The following CKMT2 variants were observed in gnomAD, a reference collection of about 807,000 sequenced individuals.
The protein encoded by CKMT2 is creatine kinase, mitochondrial 2.
A neutral mutation model predicts 48.9 loss-of-function variants in CKMT2; 43 were observed. The observed-to-expected ratio is 0.88, with a 90% CI of 0.69 to 1.13. The LOEUF is 1.13. Ranked by LOEUF, CKMT2 falls within the 50% of genes most tolerant of loss-of-function variation. The probability of loss-of-function intolerance (pLI) is 0.00; values close to 1 mark genes in which losing one functional copy is unlikely to be tolerated. For synonymous variants in CKMT2, 206 were observed against 213.0 expected (o/e 0.97, Z 0.29); for missense variants, 472 against 555.4 (o/e 0.85, Z 1.51).
chr5:81,259,210 G>T lies in CKMT2; in HGVS notation c.970G>T (p.Gly324Ter). The T allele has an allele frequency of 1.2e-6, 2 of 1,614,078 alleles. No individual in the cohort carries two copies. Among genetic ancestry groups the T allele is most frequent in the Non-Finnish European group, 1.7e-6 (2 of 1,179,990 alleles). The change falls in exon 8 of 10, where the codon GGA (glycine) becomes TGA (stop). Residue 324 changes from glycine (G) to a stop codon, truncating the protein, a stop_gained. Transcript: ENST00000254035. LOFTEE classifies it high-confidence loss of function. ...ILTCPSNLGT[G>*]LRAGVHVRIP... ...GACCTGTCCTTCGAACCTTGGAACA[G>T]GACTACGAGCTGGTGTCCACGTTAG...
At chr5:81,241,853 A>G (rs1293662961) in intron 1 of CKMT2, among the ~76,000 whole-genome samples, 1 of 152,054 alleles carries the variant, frequency 6.6e-6, no homozygotes, top group Non-Finnish European at 1.5e-5. Flanking sequence ...TATTTTATGG[A>G]GAGGAATTTC....
chr5:81,253,600 G>C (rs984356791), intron 3 of CKMT2, among the ~76,000 whole-genome samples: 4 of 152,144 alleles, frequency 2.6e-5, no homozygotes, highest in Non-Finnish European at 5.9e-5. Context: ...CCCTAGAAAG[G>C]CAGCCATAGA....
chr5:81,259,515 G>T (rs946640014), intron 8 of CKMT2: 10 of 293,388 alleles, frequency 3.4e-5, no homozygotes, highest in Non-Finnish European at 5.0e-5. Context: ...GGATAGGTAG[G>T]CTCTGCTCTC....
chr5:81,253,421 C>T (rs1332100390), intron 3 of CKMT2, among the ~76,000 whole-genome samples: 2 of 152,204 alleles, frequency 1.3e-5, no homozygotes, highest in South Asian at 2.1e-4. Context: ...CCCATGACCT[C>T]GGCATCCTCA....
chr5:81,233,763 A>T (rs1756174080), intron 1 of CKMT2, among the ~76,000 whole-genome samples: 1 of 152,028 alleles, frequency 6.6e-6, no homozygotes, highest in African/African-American at 2.4e-5. Context: ...AGTCTAATCC[A>T]CTCATTTCTG....
intron 1 of CKMT2, among the ~76,000 whole-genome samples, chr5:81,247,588 T>C (rs1278794660): frequency 6.6e-6 from 1 of 152,230 alleles, no homozygotes; most frequent in African/African-American, 2.4e-5. Context: ...AGTTTAGTCA[T>C]GAGGAAAAGT....
Position 81,254,445 on chromosome 5 carries a change from A to G in CKMT2, c.401A>G (p.Tyr134Cys). 6.2e-7 allele frequency: 1 copy of G among 1,614,192 alleles called. No individual in the cohort carries two copies. The highest frequency in any genetic ancestry group is 8.5e-7 in the Non-Finnish European group (1 of 1,180,024). ...DPVIKLRHNG[Y>C]DPRVMKHTTD... ...GTCATCAAACTAAGACACAACGGCTATGACCCCAGGGTGATGAAGCACACA... is the reference window on the plus strand; with the variant it reads ...GTCATCAAACTAAGACACAACGGCTGTGACCCCAGGGTGATGAAGCACACA... The change falls in exon 4 of 10, where the codon TAT (tyrosine) becomes TGT (cysteine). Residue 134 changes from tyrosine to cysteine, a missense_variant. Coordinates refer to ENST00000254035, the MANE Select transcript of CKMT2 (RefSeq NM_001099735.2).
chr5:81,247,808 G>A lies in CKMT2; in HGVS notation c.-20-3305G>A, dbSNP rs534938791. Among the ~76,000 whole-genome samples the A allele has an allele frequency of 2.0e-5, 3 of 152,240 alleles. No individual in the cohort carries two copies. In the South Asian group the frequency reaches 6.2e-4, roughly 32 times the overall value. ...GAATTCTTTGCTTCACCAAAACCTGGAGTCTGTGTCAATTCTCTTCAAGGA... is the reference window on the plus strand; with the variant it reads ...GAATTCTTTGCTTCACCAAAACCTGAAGTCTGTGTCAATTCTCTTCAAGGA... On this transcript the variant is annotated intron_variant, in intron 1 of 9. Transcript: ENST00000254035.
chr5:81,248,210 G>C (rs922138641), intron 1 of CKMT2, among the ~76,000 whole-genome samples: 1 of 152,134 alleles, frequency 6.6e-6, no homozygotes, highest in Admixed American at 6.5e-5. Flanking sequence ...GGCAATTTAA[G>C]GAATGAAAAA....
intron 4 of CKMT2, 93 bp from the exon 5 acceptor site, chr5:81,254,900 G>A (rs1226291892): frequency 9.5e-6 from 10 of 1,054,764 alleles, no homozygotes; most frequent in Admixed American, 7.3e-5. Context: ...AGGGTCCCCA[G>A]GGAAACTGCA....
At chr5:81,240,507 G>A (rs578066022) in intron 1 of CKMT2, among the ~76,000 whole-genome samples, 1 of 152,364 alleles carries the variant, frequency 6.6e-6, no homozygotes, top group East Asian at 1.9e-4. Context: ...CCTTTGCAGT[G>A]TGTGACCTGG....
chr5:81,259,885 T>C (rs926266179), intron 8 of CKMT2, among the ~76,000 whole-genome samples: 58 of 152,286 alleles, frequency 3.8e-4, no homozygotes, highest in Admixed American at 1.7e-3. Context: ...TACACATCTA[T>C]AGAACTATCC....
chr5:81,258,109 A>G (rs914569963), intron 7 of CKMT2, among the ~76,000 whole-genome samples: 3 of 152,190 alleles, frequency 2.0e-5, no homozygotes, highest in African/African-American at 7.2e-5. Flanking sequence ...CATGTTGGCC[A>G]GACTAGCCTC....
At chr5:81,255,354 G>A in intron 5 of CKMT2, 140 bp downstream of exon 5, 1 of 702,112 alleles carries the variant, frequency 1.4e-6, no homozygotes. Context: ...CAGCCCAAGA[G>A]CATCTACTTA....
At chr5:81,251,791 G>C (rs1756824868) in intron 2 of CKMT2, 1 of 153,866 alleles carries the variant, frequency 6.5e-6, no homozygotes, top group Non-Finnish European at 1.4e-5. Context: ...TTCTTGCTTA[G>C]AGCTTGCAGT....
intron 9 of CKMT2, among the ~76,000 whole-genome samples, chr5:81,265,773 T>C (rs917477837): frequency 2.0e-5 from 3 of 152,196 alleles, no homozygotes; most frequent in East Asian, 1.9e-4. Flanking sequence ...AGTGCTCAGA[T>C]AGATTAGTGG....
At chr5:81,233,668 T>A (rs974046482) in intron 1 of CKMT2, among the ~76,000 whole-genome samples, 1 of 151,718 alleles carries the variant, frequency 6.6e-6, no homozygotes, top group Non-Finnish European at 1.5e-5. Flanking sequence ...TTTTTCTCGA[T>A]GGAAAAAAAA....
At chr5:81,262,626 CGA>C (rs1757263033) in intron 8 of CKMT2, among the ~76,000 whole-genome samples, 1 of 151,978 alleles carries the variant, frequency 6.6e-6, no homozygotes, top group Non-Finnish European at 1.5e-5. Flanking sequence ...AAAACCACAC[CGA>C]GATACCATCT....
chr5:81,257,182 G>C lies in CKMT2; in HGVS notation c.755+182G>C, dbSNP rs994977741. Among the ~76,000 whole-genome samples the C allele has an allele frequency of 5.6e-5, 8 of 141,720 alleles. No homozygotes were observed. The East Asian group carries it at 6.0e-4, about 11-fold the overall frequency. 93.0% of individuals were successfully genotyped at this position (141,720 alleles called of 152,430 possible). On this transcript the variant is annotated intron_variant, in intron 6 of 9. Transcript: ENST00000254035. ...TGTGTGTGTGTGTGTGTGTGTGTGT[G>C]TCTAAGCATTGTGGTGTTTCTAAGA...
Sources: gnomAD v4.1 joint callset for allele counts (sites outside exome capture counted in the v4.1 genomes callset) on GRCh38, gnomAD v4.1.1 for gene constraint, MANE v1.5 for transcripts, NCBI Gene and HGNC (gene_info 2026-07-23, HGNC 2026-07-21) for gene names.